RPTOR: variants seen among roughly 807,000 people sequenced by gnomAD.
The protein encoded by RPTOR is regulatory associated protein of MTOR complex 1.
Under a neutral mutation model 169.9 loss-of-function variants are expected in RPTOR, and 21 were observed. That is an observed-to-expected ratio of 0.12 (90% CI 0.09 to 0.18). RPTOR has a LOEUF of 0.18. Among genes scored for constraint, RPTOR ranks in the 10% least tolerant of loss-of-function variants. RPTOR has a pLI of 1.00. For missense variants in RPTOR, 1,133 were observed against 1,855.9 expected (o/e 0.61, Z 7.16); for synonymous variants, 732 against 753.2 (o/e 0.97, Z 0.46).
rs550432025 is a variant in RPTOR, at chr17:80,622,653, C to T, written c.163-3038C>T. ...CAGTGGCGCATGCCTGTAATCCCAG[C>T]ACTTTGGGAGGCCCTGGGCTGGTGG... On this transcript the variant is annotated intron_variant, in intron 1 of 33. Coordinates refer to ENST00000306801, the MANE Select transcript of RPTOR (RefSeq NM_020761.3). 2.1e-4 allele frequency among the ~76,000 whole-genome samples: 32 copies of T among 152,300 alleles called. No homozygotes were observed. The East Asian group carries it at 6.2e-3, about 29-fold the overall frequency.
chr17:80,684,657 G>A (rs1384492520), intron 3 of RPTOR, among the ~76,000 whole-genome samples: 2 of 152,032 alleles, frequency 1.3e-5, no homozygotes, highest in African/African-American at 4.8e-5. Context: ...GTGTTAGCCA[G>A]GATGGTCTCG....
chr17:80,593,759 TTG>T (rs965492795), intron 1 of RPTOR: 1 of 152,238 alleles, frequency 6.6e-6, no homozygotes, highest in African/African-American at 2.4e-5. Context: ...CTAAAATTTT[TTG>T]TTTGGGAAAA....
rs367916125 is a variant in RPTOR, at chr17:80,914,261, G to C, written c.2520+5332G>C. ...TCCCACCCCCTTCCAAACTGGCAGG[G>C]TGGGAGCCTCATGCTCCCCAGGTGC... On this transcript the variant is annotated intron_variant, in intron 21 of 33. Coordinates refer to ENST00000306801, the MANE Select transcript of RPTOR (RefSeq NM_020761.3). 4.6e-5 allele frequency among the ~76,000 whole-genome samples: 7 copies of C among 152,244 alleles called. No homozygotes were observed. The East Asian group carries it at 5.8e-4, about 13-fold the overall frequency.
chr17:80,884,531 G>T (rs1031629561), intron 16 of RPTOR, among the ~76,000 whole-genome samples: 1 of 152,206 alleles, frequency 6.6e-6, no homozygotes, highest in Non-Finnish European at 1.5e-5. Flanking sequence ...TGGTGTCAGA[G>T]GCAAGGGCTA....
At chr17:80,795,840 G>C (rs775962648) in intron 7 of RPTOR, among the ~76,000 whole-genome samples, 3 of 152,120 alleles carry the variant, frequency 2.0e-5, no homozygotes, top group African/African-American at 7.2e-5. Context: ...ATCCTGACAC[G>C]ACCTTGGCTC....
chr17:80,582,916 CTTT>C (rs71163971), intron 1 of RPTOR, among the ~76,000 whole-genome samples: 2 of 139,316 alleles, frequency 1.4e-5, no homozygotes. Context: ...CTTTTTTTTT[CTTT>C]TTTTTTTTTT....
At chr17:80,568,863 A>T (rs181349945) in intron 1 of RPTOR, among the ~76,000 whole-genome samples, 1 of 152,160 alleles carries the variant, frequency 6.6e-6, no homozygotes, top group Non-Finnish European at 1.5e-5. Context: ...TGTTACAGAG[A>T]CAGGAGGATC....
At chr17:80,559,687 C>A (rs1415781804) in intron 1 of RPTOR, among the ~76,000 whole-genome samples, 2 of 152,196 alleles carry the variant, frequency 1.3e-5, no homozygotes, top group Non-Finnish European at 2.9e-5. Context: ...CAGTCCAGCT[C>A]CTCACCATGA....
At chr17:80,716,797 T>C (rs144915568) in intron 4 of RPTOR, among the ~76,000 whole-genome samples, 7 of 152,352 alleles carry the variant, frequency 4.6e-5, no homozygotes, top group African/African-American at 1.7e-4. Flanking sequence ...GACTTGCCAG[T>C]TATCCCAGCA....
intron 1 of RPTOR, among the ~76,000 whole-genome samples, chr17:80,585,293 T>C (rs533903567): frequency 3.8e-4 from 57 of 151,640 alleles, no homozygotes; most frequent in Admixed American, 1.7e-3. Flanking sequence ...CAAACTCCGC[T>C]TCCCGGGTTC....
chr17:80,951,853 G>A (rs921778852), intron 28 of RPTOR, among the ~76,000 whole-genome samples: 3 of 152,230 alleles, frequency 2.0e-5, no homozygotes, highest in African/African-American at 7.2e-5. Context: ...ACCCGGGTAC[G>A]TCGGCCTATG....
intron 5 of RPTOR, among the ~76,000 whole-genome samples, chr17:80,739,645 C>G (rs2066465914): frequency 6.6e-6 from 1 of 151,926 alleles, no homozygotes; most frequent in Non-Finnish European, 1.5e-5. Flanking sequence ...GAATCAGCTA[C>G]ACGTCAATAA....
chr17:80,597,400 C>T (rs1451540672), intron 1 of RPTOR, among the ~76,000 whole-genome samples: 1 of 152,118 alleles, frequency 6.6e-6, no homozygotes, highest in East Asian at 1.9e-4. Flanking sequence ...ATTACTCATC[C>T]CTGGGCCAGA....
intron 20 of RPTOR, among the ~76,000 whole-genome samples, chr17:80,902,787 C>G (rs977822275): frequency 1.3e-5 from 2 of 152,260 alleles, no homozygotes; most frequent in Non-Finnish European, 2.9e-5. Context: ...TCCGTCCAGC[C>G]CCAGCTCCCA....
At position 80,659,054 on chromosome 17, in the gene RPTOR, A is replaced by G. The variant is rs1291792570; in HGVS notation, c.348+15244A>G. Among the ~76,000 whole-genome samples, 1 of 152,120 alleles carries G rather than the reference A, an allele frequency of 6.6e-6. No individual in the cohort carries two copies. Among genetic ancestry groups the G allele is most frequent in the Non-Finnish European group, 1.5e-5 (1 of 68,024 alleles). On this transcript the variant is annotated intron_variant, in intron 3 of 33. Coordinates refer to ENST00000306801, the MANE Select transcript of RPTOR (RefSeq NM_020761.3). This position sits in a 1 kb window ranked among gnomAD's most constrained non-coding sequence, Gnocchi z 4.3. Reference sequence around the variant, plus strand: ...AGGGCATGACTAGACAGAGGCCAGTATTTGTGCCGAGAGCCACAGGGCTCA... The same window carrying G: ...AGGGCATGACTAGACAGAGGCCAGTGTTTGTGCCGAGAGCCACAGGGCTCA...
At chr17:80,931,114 G>C in intron 24 of RPTOR, among the ~76,000 whole-genome samples, 1 of 152,308 alleles carries the variant, frequency 6.6e-6, no homozygotes, top group African/African-American at 2.4e-5. Flanking sequence ...GGCCTCAAGC[G>C]TATGGGAAAT....
rs150305689 is a variant in RPTOR, at chr17:80,882,334, A to G, written c.1585-1085A>G. Among the ~76,000 whole-genome samples the G allele has an allele frequency of 1.5e-4, 23 of 152,382 alleles. No homozygotes were observed. The East Asian group carries it at 4.4e-3, about 29-fold the overall frequency. ...GATGAATCCTGAGAAGGTTAAAGAG[A>G]AACAAATTCGTACATAGACGCATCA... On this transcript the variant is annotated intron_variant, in intron 14 of 33. Transcript: ENST00000306801.
At chr17:80,713,427 T>G (rs539643315) in intron 4 of RPTOR, among the ~76,000 whole-genome samples, 1 of 152,170 alleles carries the variant, frequency 6.6e-6, no homozygotes, top group African/African-American at 2.4e-5. Context: ...TTCCTAGTAG[T>G]GGATGTTCGC....
At chr17:80,729,535 A>T (rs2143199404) in intron 4 of RPTOR, among the ~76,000 whole-genome samples, 1 of 152,330 alleles carries the variant, frequency 6.6e-6, no homozygotes, top group Admixed American at 6.5e-5. Flanking sequence ...GTGTTCTGAA[A>T]AATGTTTCAC....
Sources: allele counts gnomAD v4.1 joint callset (sites outside exome capture counted in the v4.1 genomes callset), GRCh38; gene constraint gnomAD v4.1.1; non-coding constraint Gnocchi (gnomAD v3.1); transcripts MANE v1.5; gene names NCBI Gene and HGNC (gene_info 2026-07-23, HGNC 2026-07-21).